GOLM2: variants seen among roughly 807,000 people sequenced by gnomAD.
GOLM2 encodes the protein golgi membrane protein 2.
Under a neutral mutation model 55.9 loss-of-function variants are expected in GOLM2, and 26 were observed. That is an observed-to-expected ratio of 0.47 (90% CI 0.34 to 0.65). GOLM2 has a LOEUF of 0.65. Ranked by LOEUF, GOLM2 falls within the 30% of genes least tolerant of loss-of-function variation. GOLM2 has a pLI of 0.01. For missense variants in GOLM2, 486 were observed against 531.8 expected (o/e 0.91, Z 0.85); for synonymous variants, 165 against 194.6 (o/e 0.85, Z 1.27).
At chr15:44,363,073 CT>C in intron 6 of GOLM2, among the ~76,000 whole-genome samples, 1 of 152,202 alleles carries the variant, frequency 6.6e-6, no homozygotes, top group East Asian at 1.9e-4. Flanking sequence ...AACGTTAGAC[CT>C]AAAACCATAA....
intron 9 of GOLM2, among the ~76,000 whole-genome samples, chr15:44,409,198 G>A (rs1397472273): frequency 6.8e-6 from 1 of 146,604 alleles, no homozygotes; most frequent in African/African-American, 2.5e-5. Context: ...GCAGGAGAAT[G>A]GCGTGAACCC....
At chr15:44,364,426 T>A (rs1233889555) in intron 6 of GOLM2, among the ~76,000 whole-genome samples, 1 of 152,148 alleles carries the variant, frequency 6.6e-6, no homozygotes. Context: ...ATCCCAGCAC[T>A]TTGGGAGGCT....
Position 44,326,059 on chromosome 15 carries a change from C to T in GOLM2, c.383-2626C>T, listed in dbSNP as rs541911859. 4.6e-5 allele frequency among the ~76,000 whole-genome samples: 7 copies of T among 151,578 alleles called. No individual in the cohort carries two copies. The East Asian group carries it at 1.2e-3, about 25-fold the overall frequency. ...CGGGCAGATCACAAGGTCAGGAGTT[C>T]GAGACCAGCCTGGCCAACACAGTGA... On this transcript the variant is annotated intron_variant, in intron 2 of 9. Transcript: ENST00000299957.
intron 9 of GOLM2, among the ~76,000 whole-genome samples, chr15:44,407,544 C>T (rs933098763): frequency 5.3e-5 from 8 of 151,532 alleles, no homozygotes; most frequent in Middle Eastern, 3.2e-3. Flanking sequence ...CCAAAGTGTT[C>T]GGATTATAGG....
chr15:44,315,492 AAC>A (rs1246046885), intron 1 of GOLM2, among the ~76,000 whole-genome samples: 5 of 152,228 alleles, frequency 3.3e-5, no homozygotes, highest in Non-Finnish European at 5.9e-5. Flanking sequence ...ACATGAAAAG[AAC>A]TTCAGAAGAG....
chr15:44,395,255 G>A (rs891798204), intron 8 of GOLM2, among the ~76,000 whole-genome samples: 12 of 149,670 alleles, frequency 8.0e-5, no homozygotes, highest in African/African-American at 2.9e-4. Flanking sequence ...TGATCCGCCC[G>A]CCTCAGCCTC....
In GOLM2 at chr15:44,289,010, G is replaced by A. The variant is rs2078700466; in HGVS notation, c.-20G>A. On this transcript the variant is annotated 5_prime_UTR_variant, in exon 1 of 10. Coordinates refer to ENST00000299957, the MANE Select transcript of GOLM2 (RefSeq NM_138423.4). The surrounding 1 kb of genome is among the most constrained non-coding windows in gnomAD (Gnocchi z 4.8). ...AGGTGTCTGCGGCGAGGCCCCTAGG[G>A]TACAGCCCGATTTGGCCCCATGGTG... The A allele has an allele frequency of 6.9e-6, 11 of 1,605,566 alleles. No homozygotes were observed. The highest frequency in any genetic ancestry group is 7.7e-6 in the Non-Finnish European group (9 of 1,175,286).
chr15:44,320,310 A>T (rs889733176), intron 1 of GOLM2, among the ~76,000 whole-genome samples: 1 of 151,422 alleles, frequency 6.6e-6, no homozygotes, highest in Non-Finnish European at 1.5e-5. Flanking sequence ...TTATTTATTT[A>T]TTTTTTGAGA....
Position 44,338,289 on chromosome 15 carries a change from C to A in GOLM2, c.774C>A (p.Asp258Glu). The change falls in exon 6 of 10, where the codon GAC (aspartate) becomes GAA (glutamate). Residue 258 changes from aspartate to glutamate, a missense_variant. Coordinates refer to ENST00000299957, the MANE Select transcript of GOLM2 (RefSeq NM_138423.4). Reference protein sequence around the residue: ...DAGMPGIEENDLAKVDDLPPA... With the variant: ...DAGMPGIEENELAKVDDLPPA... The stretch of plus-strand genomic sequence containing the variant: ...GGATGCCTGGAATAGAAGAGAATGA[C>A]CTAGCAAAAGTTGATGATCTTCCCC... The A allele has an allele frequency of 6.2e-7, 1 of 1,613,614 alleles. No individual in the cohort carries two copies. The highest frequency in any genetic ancestry group is 8.5e-7 in the Non-Finnish European group (1 of 1,179,682).
Position 44,407,227 on chromosome 15 carries a change from TTTATA to T in GOLM2, c.1240+4179_1240+4183del, listed in dbSNP as rs571081546. Among the ~76,000 whole-genome samples the T allele has an allele frequency of 1.6e-4, 24 of 146,964 alleles. No individual in the cohort carries two copies. In the South Asian group the frequency reaches 3.8e-3, roughly 23 times the overall value. On this transcript the variant is annotated intron_variant, in intron 9 of 9. Coordinates refer to ENST00000299957, the MANE Select transcript of GOLM2 (RefSeq NM_138423.4). The stretch of plus-strand genomic sequence containing the variant: ...ATATTTATATTATATATTTAATATA[TTTATA>T]TTATAATTTATGATATATTTATATT...
chr15:44,399,270 TCTC>T (rs2079549526), intron 8 of GOLM2, among the ~76,000 whole-genome samples: 1 of 152,230 alleles, frequency 6.6e-6, no homozygotes. Flanking sequence ...GTTTGTCTGA[TCTC>T]CTTAACTTGA....
At chr15:44,325,919 A>T (rs1041530185) in intron 2 of GOLM2, among the ~76,000 whole-genome samples, 2 of 152,140 alleles carry the variant, frequency 1.3e-5, no homozygotes, top group African/African-American at 2.4e-5. Flanking sequence ...CTTTTATTTG[A>T]GATGGGGGGT....
intron 1 of GOLM2, among the ~76,000 whole-genome samples, chr15:44,302,077 T>G (rs2078802497): frequency 6.6e-6 from 1 of 152,146 alleles, no homozygotes; most frequent in African/African-American, 2.4e-5. Context: ...GGATTCAGAT[T>G]GTGAAAAGAT....
At chr15:44,342,894 T>C (rs2079098763) in intron 6 of GOLM2, among the ~76,000 whole-genome samples, 1 of 152,234 alleles carries the variant, frequency 6.6e-6, no homozygotes, top group Non-Finnish European at 1.5e-5. Flanking sequence ...AACCTTTGGC[T>C]CTTATCTTTT....
At chr15:44,351,781 C>T (rs1402403107) in intron 6 of GOLM2, among the ~76,000 whole-genome samples, 1 of 151,968 alleles carries the variant, frequency 6.6e-6, no homozygotes, top group East Asian at 1.9e-4. Flanking sequence ...TATATGCCAA[C>T]AGCGAATAAT....
Position 44,323,035 on chromosome 15 carries a change from C to A in GOLM2, c.382+16C>A, listed in dbSNP as rs2078961579. 6.5e-7 allele frequency: 1 copy of A among 1,527,084 alleles called. No individual in the cohort carries two copies. Among genetic ancestry groups the A allele is most frequent in the Non-Finnish European group, 8.8e-7 (1 of 1,132,882 alleles). The allele number at this position is 1,527,084 out of a possible 1,614,324, so 94.6% of individuals were successfully genotyped here. A position where few individuals can be genotyped will look rare whatever the true frequency, so the allele number is the denominator to read the frequency against. On this transcript the variant is annotated intron_variant, in intron 2 of 9. Coordinates refer to ENST00000299957, the MANE Select transcript of GOLM2 (RefSeq NM_138423.4). ...CATTTAAAGGGTAAGAACCTTAATT[C>A]CAGATTAAAGATAAACCAAGGTCAC...
At chr15:44,361,368 C>T (rs1452232473) in intron 6 of GOLM2, among the ~76,000 whole-genome samples, 1 of 139,566 alleles carries the variant, frequency 7.2e-6, no homozygotes, top group African/African-American at 2.6e-5. Flanking sequence ...GGGGATATCA[C>T]CACCGATCCC....
chr15:44,323,046 A>G (rs1391987073), intron 2 of GOLM2, 27 bp downstream of exon 2: 5 of 1,473,474 alleles, frequency 3.4e-6, no homozygotes, highest in Non-Finnish European at 4.6e-6. Context: ...CAGATTAAAG[A>G]TAAACCAAGG....
At chr15:44,369,067 TTATATATATATATATATATATA>T (rs58317520) in intron 6 of GOLM2, among the ~76,000 whole-genome samples, 783 of 22,980 alleles carry the variant, frequency 0.034, 52 homozygotes, top group African/African-American at 0.073. Context: ...ATAGGATATA[TTATATATATATATATATATATA>T]TATATATATA....
Sources: gnomAD v4.1 joint callset for allele counts (sites outside exome capture counted in the v4.1 genomes callset) on GRCh38, gnomAD v4.1.1 for gene constraint, Gnocchi (gnomAD v3.1) non-coding constraint, MANE v1.5 for transcripts, NCBI Gene and HGNC (gene_info 2026-07-23, HGNC 2026-07-21) for gene names.